Variants in PLEC observed in about 807,000 individuals in gnomAD.
The protein encoded by PLEC is plectin, also known as hemidesmosomal protein 1.
PLEC carries 216 observed loss-of-function variants against 392.8 expected under a neutral mutation model. The ratio of observed to expected loss-of-function variants is 0.55; its 90% CI spans 0.49 to 0.62. The LOEUF is 0.62. PLEC is among the 20% of genes least tolerant of loss of function. The pLI, the probability that PLEC is intolerant of heterozygous loss-of-function variation, is 0.00. For synonymous variants in PLEC, 3,621 were observed against 2,980.6 expected (o/e 1.21, Z -7.00); for missense variants, 6,863 against 6,563.4 (o/e 1.05, Z -1.58).
At chr8:143,930,646 G>C (rs945623952) in intron 19 of PLEC, 110 bp from the exon 20 acceptor site, 44 of 1,187,530 alleles carry the variant, frequency 3.7e-5, no homozygotes, top group Non-Finnish European at 5.1e-5. Context: ...ATGCTCCCGG[G>C]GTGGCAGCAC....
At position 143,927,612 on chromosome 8, in the gene PLEC, A is replaced by C; in HGVS notation, c.3554T>G (p.Leu1185Arg). Residue 1185 changes from leucine to arginine, a missense_variant, in exon 27 of 32, where the codon CTT becomes CGT. Transcript: ENST00000345136. ...ERWRERVAQL[L>R]ERWQAVLAQT... is the part of the protein sequence containing the mutation. ...GGCCAGCACAGCCTGCCAGCGCTCA[A>C]GCAACTGGGCGACCCGCTCCCGCCA... is the stretch of plus-strand genomic sequence containing the variant. 6.3e-7 allele frequency: 1 copy of C among 1,587,486 alleles called. No homozygotes were observed. Among genetic ancestry groups the C allele is most frequent in the Non-Finnish European group, 8.5e-7 (1 of 1,172,724 alleles).
chr8:143,933,746 G>T (rs1205616991), intron 12 of PLEC, among the ~76,000 whole-genome samples: 1 of 152,080 alleles, frequency 6.6e-6, no homozygotes, highest in South Asian at 2.1e-4. Context: ...GGGGCCTGGC[G>T]GGGGCAAGGC....
upstream of PLEC, among the ~76,000 whole-genome samples, chr8:143,944,219 G>A (rs1831079671): frequency 6.6e-6 from 1 of 152,114 alleles, no homozygotes; most frequent in Non-Finnish European, 1.5e-5. Context: ...CCGCCGGGAG[G>A]AGGGGCCAGC....
intron 12 of PLEC, 139 bp from the exon 13 acceptor site, chr8:143,933,490 C>T (rs1215765484): frequency 1.7e-5 from 17 of 995,630 alleles, no homozygotes; most frequent in African/African-American, 3.2e-5. Context: ...CCCCTTCCCT[C>T]CCTGCCCACC....
upstream of PLEC, among the ~76,000 whole-genome samples, chr8:143,956,446 T>G (rs534291461): frequency 6.6e-6 from 1 of 152,268 alleles, no homozygotes; most frequent in African/African-American, 2.4e-5. Context: ...CCTGGGCCTG[T>G]GGTCCCAGCT....
At position 143,921,052 on chromosome 8, in the gene PLEC, G is replaced by A; in HGVS notation, c.8769C>T (p.Thr2923=). The A allele has an allele frequency of 6.2e-7, 1 of 1,612,292 alleles. No homozygotes were observed. Among genetic ancestry groups the A allele is most frequent in the Non-Finnish European group, 8.5e-7 (1 of 1,180,030 alleles). ...ATTCCGAGTTGATGATCTCCCAAAT[G>A]GTCACCGTCTTGCCCTGGAACTTGC... ...PFGKFQGKTV[T]IWEIINSEYF... Residue 2923 remains threonine, a synonymous_variant, in exon 32 of 32, where the codon ACC becomes ACT. Coordinates refer to ENST00000345136, the MANE Select transcript of PLEC (RefSeq NM_201384.3).
At chr8:143,959,976 C>T (rs1302975352) in intron 1 of PLEC, among the ~76,000 whole-genome samples, 10 of 148,398 alleles carry the variant, frequency 6.7e-5, no homozygotes, top group African/African-American at 2.3e-4. Flanking sequence ...GAGACTCCGT[C>T]TCAAAAAAAA....
chr8:143,921,611 C>G lies in PLEC; in HGVS notation c.8210G>C (p.Gly2737Ala). 1 of 1,612,880 alleles carries G rather than the reference C, an allele frequency of 6.2e-7. No individual in the cohort carries two copies. The highest frequency in any genetic ancestry group is 8.5e-7 in the Non-Finnish European group (1 of 1,179,866). Residue 2737 changes from glycine (G) to alanine (A), a missense_variant, in exon 32 of 32, where the codon GGC becomes GCC. Physicochemically the swap from Gly to Ala is moderately conservative, Grantham distance 60. Transcript: ENST00000345136. ...LILLEAQAAS[G>A]FLLDPVRNRR... is the part of the protein sequence containing the mutation. ...GTTCCGCACAGGGTCCAGCAGGAAGCCTGAGGCCGCCTGCGCCTCCAGCAG... is the reference window on the plus strand; with the variant it reads ...GTTCCGCACAGGGTCCAGCAGGAAGGCTGAGGCCGCCTGCGCCTCCAGCAG...
At chr8:143,926,416 C>G (rs1422765813) in intron 30 of PLEC, among the ~76,000 whole-genome samples, 1 of 152,182 alleles carries the variant, frequency 6.6e-6, no homozygotes, top group Non-Finnish European at 1.5e-5. Flanking sequence ...CTTGGAAGAC[C>G]CTCCCTAGCC....
chr8:143,944,668 G>A lies in PLEC; in HGVS notation c.523+5516C>T, dbSNP rs782207101. The A allele has an allele frequency of 1.5e-6, 2 of 1,339,054 alleles. No individual in the cohort carries two copies. Among genetic ancestry groups the A allele is most frequent in the South Asian group, 4.7e-5 (2 of 42,120 alleles). The allele number at this position is 1,339,054 out of a possible 1,614,324, so 82.9% of individuals were successfully genotyped here. On this transcript the variant is annotated intron_variant, in intron 1 of 31. Transcript: ENST00000322810. The stretch of plus-strand genomic sequence containing the variant: ...CCTACCGGGCACGATCTTCATCGGG[G>A]ACGGTGGCAGGAGCCCACGGGGCAG...
intron 9 of PLEC, 37 bp from the exon 10 acceptor site, chr8:143,934,767 T>C: frequency 1.2e-6 from 2 of 1,611,998 alleles, no homozygotes; most frequent in Non-Finnish European, 1.7e-6. Flanking sequence ...CACGCCGGGC[T>C]CTCAGGGCAG....
intron 30 of PLEC, among the ~76,000 whole-genome samples, chr8:143,926,112 T>C (rs546325774): frequency 4.6e-5 from 7 of 152,146 alleles, no homozygotes; most frequent in Admixed American, 1.3e-4. Flanking sequence ...GGCCCAGGCG[T>C]CCTCCCTGCT....
At chr8:143,937,848 G>T in intron 3 of PLEC, 2 of 595,906 alleles carry the variant, frequency 3.4e-6, no homozygotes, top group Non-Finnish European at 6.3e-6. Flanking sequence ...CCAAGCAGCA[G>T]AGAAACCAAA....
rs1554718342 is a variant in PLEC at position 143,932,889 on chromosome 8, G to A, written c.1641C>T (p.Asp547=). Residue 547 remains aspartate, a synonymous_variant, in exon 14 of 32, where the codon GAC becomes GAT. Coordinates refer to ENST00000345136, the MANE Select transcript of PLEC (RefSeq NM_201384.3). ...HRVDGAEWGV[D]LPSVEAQLGS... Reference sequence around the variant, plus strand: ...CCAGCTGCGCCTCCACGCTGGGCAGGTCCACACCCCACTCAGCGCCATCCA... The same window carrying A: ...CCAGCTGCGCCTCCACGCTGGGCAGATCCACACCCCACTCAGCGCCATCCA... The A allele has an allele frequency of 6.2e-7, 1 of 1,612,530 alleles. No homozygotes were observed.
In PLEC at chr8:143,930,500, G is replaced by A. The variant is rs782086242; in HGVS notation, c.2341C>T (p.Leu781Phe). 1.4e-5 allele frequency: 23 copies of A among 1,597,002 alleles called. No homozygotes were observed. In the Admixed American group the frequency reaches 4.0e-4, roughly 27 times the overall value. Residue 781 changes from leucine to phenylalanine, a missense_variant, in exon 20 of 32, where the codon CTC (leucine) becomes TTC (phenylalanine). Coordinates refer to ENST00000345136, the MANE Select transcript of PLEC (RefSeq NM_201384.3). The stretch of plus-strand genomic sequence containing the variant: ...TTGGCCCGCTTGGCCAGGCCTGAGA[G>A]GTGGCCCTTGTACTCGTTCAGCTGT... ...KEQLNEYKGH[L>F]SGLAKRAKAV...
chr8:143,931,546 C>A lies in PLEC; in HGVS notation c.2292G>T (p.Leu764=). ...SATVTRLEDL[L]QDAQDEKEQL... is the part of the protein sequence containing the mutation. ...CCCCCTCCCTCACCTGGGCATCCTG[C>A]AGCAGGTCCTCCAGCCGGGTGACGG... The change falls in exon 19 of 32, where the codon CTG becomes CTT. Residue 764 remains leucine, a synonymous_variant. Transcript: ENST00000345136. The A allele has an allele frequency of 1.9e-6, 3 of 1,591,952 alleles. No individual in the cohort carries two copies. The highest frequency in any genetic ancestry group is 1.8e-5 in the Admixed American group (1 of 57,024).
chr8:143,929,976 C>A lies in PLEC; in HGVS notation c.2699G>T (p.Arg900Leu), dbSNP rs376953993. The A allele has an allele frequency of 1.2e-6, 2 of 1,611,502 alleles. No individual in the cohort carries two copies. The highest frequency in any genetic ancestry group is 1.7e-6 in the Non-Finnish European group (2 of 1,179,604). ...MKSLLAWQSL[R>L]RDVQLIRSWS... ...GGAGCGGATGAGCTGCACGTCGCGG[C>A]GAAGGCTCTGCCAGGCCAGAAGGCT... The change falls in exon 22 of 32, where the codon CGC (arginine) becomes CTC (leucine). Residue 900 changes from arginine (R) to leucine (L), a missense_variant. Physicochemically the swap from Arg to Leu is moderately radical, Grantham distance 102 (BLOSUM62 -2). Coordinates refer to ENST00000345136, the MANE Select transcript of PLEC (RefSeq NM_201384.3).
Position 143,969,225 on chromosome 8 carries a change from C to G in PLEC, c.70+4178G>C, listed in dbSNP as rs1014861215. On this transcript the variant is annotated intron_variant, in intron 1 of 31. Coordinates refer to the PLEC transcript ENST00000356346. This position sits in a 1 kb window ranked among gnomAD's most constrained non-coding sequence, Gnocchi z 5.1. Reference sequence around the variant, plus strand: ...GCGGCGATGTGAGCAGCCCTGACAGCGTCCCGGCAAGTCGAAGAGGCCAGA... The same window carrying G: ...GCGGCGATGTGAGCAGCCCTGACAGGGTCCCGGCAAGTCGAAGAGGCCAGA... Among the ~76,000 whole-genome samples the G allele has an allele frequency of 6.6e-6, 1 of 152,196 alleles. No homozygotes were observed. Among genetic ancestry groups the G allele is most frequent in the Non-Finnish European group, 1.5e-5 (1 of 68,026 alleles).
Position 143,923,406 on chromosome 8 carries a change from C to G in PLEC, c.6523G>C (p.Glu2175Gln). 6.2e-7 allele frequency: 1 copy of G among 1,610,676 alleles called. No individual in the cohort carries two copies. ...TGCGCCTTCTGCCGCAGCGTCTGCT[C>G]GGCGAATTTCTTATGCTTCTCCATC... is the stretch of plus-strand genomic sequence containing the variant. ...AEMEKHKKFA[E>Q]QTLRQKAQVE... Residue 2175 changes from glutamate (E) to glutamine (Q), a missense_variant, in exon 31 of 32, where the codon GAG (glutamate) becomes CAG (glutamine). Transcript: ENST00000345136.
Sources: gnomAD v4.1 joint callset for allele counts (sites outside exome capture counted in the v4.1 genomes callset) on GRCh38, gnomAD v4.1.1 for gene constraint, Gnocchi (gnomAD v3.1) non-coding constraint, MANE v1.5 for transcripts, NCBI Gene and HGNC (gene_info 2026-07-23, HGNC 2026-07-21) for gene names.